GNA11: variants seen among roughly 807,000 people sequenced by gnomAD.
GNA11 encodes guanine nucleotide-binding protein subunit alpha-11.
A neutral mutation model predicts 38.2 loss-of-function variants in GNA11; 8 were observed. The observed-to-expected ratio is 0.21, with a 90% CI of 0.12 to 0.38. The LOEUF (loss-of-function observed/expected upper bound fraction) is 0.38, where lower values mean the gene tolerates loss of function less well. Among genes scored for constraint, GNA11 ranks in the 10% least tolerant of loss-of-function variants. GNA11 has a pLI of 1.00. For missense variants in GNA11, 268 were observed against 516.3 expected, an observed-to-expected ratio of 0.52 and a Z score of 4.66; for synonymous variants, 211 against 221.4, an observed-to-expected ratio of 0.95 and a Z score of 0.42.
At chr19:3,111,097 G>A (rs1913764087) in intron 2 of GNA11, among the ~76,000 whole-genome samples, 1 of 151,580 alleles carries the variant, frequency 6.6e-6, no homozygotes, top group African/African-American at 2.4e-5. Flanking sequence ...CCTGGCCTCC[G>A]CCCTGGTTTT....
rs2145300493 is a variant in GNA11, at chr19:3,094,802, C to G, written c.136+15C>G. 6.5e-7 allele frequency: 1 copy of G among 1,538,484 alleles called. No individual in the cohort carries two copies. Among genetic ancestry groups the G allele is most frequent in the Non-Finnish European group, 8.7e-7 (1 of 1,146,062 alleles). On this transcript the variant is annotated intron_variant, in intron 1 of 6. Transcript: ENST00000078429. This position sits in a 1 kb window ranked among gnomAD's most constrained non-coding sequence, Gnocchi z 6.0. Reference sequence around the variant, plus strand: ...GCTGCTGCTCGGTGAGTGCGGCCCCCGGGCCTGCCGGCTGCGGGCCCTGCC... The same window carrying G: ...GCTGCTGCTCGGTGAGTGCGGCCCCGGGGCCTGCCGGCTGCGGGCCCTGCC...
rs1913699464 is a variant in GNA11 at position 3,108,935 on chromosome 19, G to C, written c.137-1214G>C. On this transcript the variant is annotated intron_variant, in intron 1 of 6. Transcript: ENST00000078429. The surrounding 1 kb of genome is among the most constrained non-coding windows in gnomAD (Gnocchi z 4.5). ...TGGGCCTCTCCGTGAAGCTGCTTGA[G>C]GGTCCTCACAGCGTGGCGGCTGCCT... is the stretch of plus-strand genomic sequence containing the variant. Among the ~76,000 whole-genome samples the C allele has an allele frequency of 6.6e-6, 1 of 152,184 alleles. No homozygotes were observed. The highest frequency in any genetic ancestry group is 2.4e-5 in the African/African-American group (1 of 41,446).
chr19:3,119,456 C>T lies in GNA11; in HGVS notation c.889+97C>T. 1 of 1,148,696 alleles carries T rather than the reference C, an allele frequency of 8.7e-7. No individual in the cohort carries two copies. Among genetic ancestry groups the T allele is most frequent in the Non-Finnish European group, 1.2e-6 (1 of 804,590 alleles). The allele number at this position is 1,148,696 out of a possible 1,614,324, so 71.2% of individuals were successfully genotyped here. ...GAGGGGCTCATACAGGCCGGGAGCT[C>T]TAAGGGAGGGCGTCTGATGGGAGGT... On this transcript the variant is annotated intron_variant, in intron 6 of 6. Transcript: ENST00000078429. The surrounding 1 kb of genome is among the most constrained non-coding windows in gnomAD (Gnocchi z 4.6).
Position 3,119,056 on chromosome 19 carries a change from G to A in GNA11, c.735+3G>A, listed in dbSNP as rs1414142382. 3 of 1,609,442 alleles carry A rather than the reference G, an allele frequency of 1.9e-6. No individual in the cohort carries two copies. The African/African-American group carries it at 4.1e-5, about 22-fold the overall frequency. On this transcript the variant is annotated splice_donor_region_variant and intron_variant, in intron 5 of 6. Transcript: ENST00000078429. The surrounding 1 kb of genome is among the most constrained non-coding windows in gnomAD (Gnocchi z 4.6). ...TCCTGGTGGAGTCGGACAACGAGGT[G>A]GGCCCTGCCCTGAGCAGGGGCAGCG...
chr19:3,112,448 C>T (rs1440947084), intron 2 of GNA11, among the ~76,000 whole-genome samples: 1 of 152,238 alleles, frequency 6.6e-6, no homozygotes, highest in Non-Finnish European at 1.5e-5. Flanking sequence ...CCAGTATGTC[C>T]CCTCCCCAGT....
At chr19:3,098,520 T>C (rs1322854123) in intron 1 of GNA11, among the ~76,000 whole-genome samples, 1 of 152,132 alleles carries the variant, frequency 6.6e-6, no homozygotes, top group Non-Finnish European at 1.5e-5. Flanking sequence ...TCCATGGGAA[T>C]GCCTGTTCCC....
rs1281370948 is a variant in GNA11, at chr19:3,120,928, C to T, written c.890-61C>T. The stretch of plus-strand genomic sequence containing the variant: ...TCATCCCCTGGGAGTGACAAAGGGG[C>T]CCACGAGTCCCTTGCCCTGGGCCGG... On this transcript the variant is annotated intron_variant, in intron 6 of 6. Transcript: ENST00000078429. The surrounding 1 kb of genome is among the most constrained non-coding windows in gnomAD (Gnocchi z 5.9). The T allele has an allele frequency of 2.3e-6, 3 of 1,283,908 alleles. No individual in the cohort carries two copies. The highest frequency in any genetic ancestry group is 2.9e-5 in the African/African-American group (2 of 68,112). 79.5% of individuals were successfully genotyped at this position (1,283,908 alleles called of 1,614,324 possible).
chr19:3,097,284 G>A (rs1194428519), intron 1 of GNA11, among the ~76,000 whole-genome samples: 1 of 152,148 alleles, frequency 6.6e-6, no homozygotes, highest in Non-Finnish European at 1.5e-5. Context: ...TCCGCAGGAG[G>A]CCCAGCCAAG....
intron 1 of GNA11, among the ~76,000 whole-genome samples, chr19:3,101,311 C>T (rs1913498759): frequency 6.6e-6 from 1 of 152,164 alleles, no homozygotes; most frequent in African/African-American, 2.4e-5. Context: ...CTGTCTTAAT[C>T]CCCAGGGACT....
At chr19:3,103,861 A>T (rs1226873405) in intron 1 of GNA11, among the ~76,000 whole-genome samples, 2 of 151,836 alleles carry the variant, frequency 1.3e-5, no homozygotes, top group African/African-American at 2.4e-5. Flanking sequence ...AATTTTTTGT[A>T]GTTTTAGTGG....
At chr19:3,101,680 G>T (rs1428738773) in intron 1 of GNA11, among the ~76,000 whole-genome samples, 1 of 152,210 alleles carries the variant, frequency 6.6e-6, no homozygotes, top group Non-Finnish European at 1.5e-5. Flanking sequence ...GAGATGTCCA[G>T]GCCAGTGCCC....
chr19:3,099,710 G>C (rs1254887619), intron 1 of GNA11, among the ~76,000 whole-genome samples: 1 of 152,154 alleles, frequency 6.6e-6, no homozygotes, highest in Non-Finnish European at 1.5e-5. Context: ...CCTGCCTCTG[G>C]GTCAGAAGCC....
Position 3,122,165 on chromosome 19 carries a change from TG to T in GNA11, c.*987del, listed in dbSNP as rs1245837582. On this transcript the variant is annotated 3_prime_UTR_variant, in exon 7 of 7. Coordinates refer to ENST00000078429, the MANE Select transcript of GNA11 (RefSeq NM_002067.5). This position sits in a 1 kb window ranked among gnomAD's most constrained non-coding sequence, Gnocchi z 7.7. ...CACTTGGATGGGGGCGTTTCTGTTT[TG>T]TTCCGCTTTGTGATGTCACCAATTT... The T allele has an allele frequency of 1.3e-5, 3 of 233,142 alleles. No individual in the cohort carries two copies. Among genetic ancestry groups the T allele is most frequent in the Admixed American group, 5.6e-5 (1 of 17,766 alleles). 14.4% of individuals were successfully genotyped at this position (233,142 alleles called of 1,614,324 possible).
chr19:3,106,096 G>T (rs1913633105), intron 1 of GNA11, among the ~76,000 whole-genome samples: 1 of 152,210 alleles, frequency 6.6e-6, no homozygotes, highest in Non-Finnish European at 1.5e-5. Context: ...TGCAGGTGGG[G>T]CAGGCTGGGT....
Position 3,119,440 on chromosome 19 carries a change from A to C in GNA11, c.889+81A>C. ...GGGGGCTGATATGGGAGAGGGGCTCATACAGGCCGGGAGCTCTAAGGGAGG... is the reference window on the plus strand; with the variant it reads ...GGGGGCTGATATGGGAGAGGGGCTCCTACAGGCCGGGAGCTCTAAGGGAGG... On this transcript the variant is annotated intron_variant, in intron 6 of 6. Coordinates refer to ENST00000078429, the MANE Select transcript of GNA11 (RefSeq NM_002067.5). The surrounding 1 kb of genome is among the most constrained non-coding windows in gnomAD (Gnocchi z 4.6). 7.4e-7 allele frequency: 1 copy of C among 1,354,344 alleles called. No homozygotes were observed. The highest frequency in any genetic ancestry group is 1.0e-6 in the Non-Finnish European group (1 of 969,500). 83.9% of individuals were successfully genotyped at this position (1,354,344 alleles called of 1,614,324 possible).
At position 3,110,463 on chromosome 19, in the gene GNA11, C is replaced by T. The variant is rs1913746309; in HGVS notation, c.321+130C>T. The T allele has an allele frequency of 3.0e-6, 2 of 675,058 alleles. No individual in the cohort carries two copies. Among genetic ancestry groups the T allele is most frequent in the Non-Finnish European group, 5.0e-6 (2 of 397,166 alleles). The allele number at this position is 675,058 out of a possible 1,614,324, so 41.8% of individuals were successfully genotyped here. ...CCGGCCCAGGCTACCCCTGGTCATCCATCCGTTCCTGTCATGGACATGGAA... is the reference window on the plus strand; with the variant it reads ...CCGGCCCAGGCTACCCCTGGTCATCTATCCGTTCCTGTCATGGACATGGAA... On this transcript the variant is annotated intron_variant, in intron 2 of 6. Transcript: ENST00000078429. This position sits in a 1 kb window ranked among gnomAD's most constrained non-coding sequence, Gnocchi z 5.4.
At position 3,110,225 on chromosome 19, in the gene GNA11, C is replaced by A; in HGVS notation, c.213C>A (p.Asp71Glu). 6.2e-7 allele frequency: 1 copy of A among 1,613,920 alleles called. No homozygotes were observed. Among genetic ancestry groups the A allele is most frequent in the Non-Finnish European group, 8.5e-7 (1 of 1,179,894 alleles). Residue 71 changes from aspartate to glutamate, a missense_variant, in exon 2 of 7, where the codon GAC (aspartate) becomes GAA (glutamate). Physicochemically the swap from Asp to Glu is conservative, Grantham distance 45. Coordinates refer to ENST00000078429, the MANE Select transcript of GNA11 (RefSeq NM_002067.5). This position sits in a 1 kb window ranked among gnomAD's most constrained non-coding sequence, Gnocchi z 5.4. Reference protein sequence around the residue: ...IIHGAGYSEEDKRGFTKLVYQ... With the variant: ...IIHGAGYSEEEKRGFTKLVYQ... ...ACGGCGCCGGCTACTCGGAGGAGGA[C>A]AAGCGCGGCTTCACCAAGCTCGTCT... is the stretch of plus-strand genomic sequence containing the variant.
chr19:3,097,529 C>G (rs1234291589), intron 1 of GNA11, among the ~76,000 whole-genome samples: 17 of 152,212 alleles, frequency 1.1e-4, no homozygotes, highest in Admixed American at 1.0e-3. Context: ...TGCCCTGACT[C>G]CTGGGTTTGC....
intron 1 of GNA11, among the ~76,000 whole-genome samples, chr19:3,106,823 C>T (rs1568280961): frequency 1.3e-5 from 2 of 152,224 alleles, no homozygotes; most frequent in South Asian, 2.1e-4. Flanking sequence ...GTGTGCATGC[C>T]TGGGTGCATA....
Sources: allele counts gnomAD v4.1 joint callset (sites outside exome capture counted in the v4.1 genomes callset), GRCh38; gene constraint gnomAD v4.1.1; non-coding constraint Gnocchi (gnomAD v3.1); transcripts MANE v1.5; gene names NCBI Gene and HGNC (gene_info 2026-07-23, HGNC 2026-07-21).